The following ZNF423 variants were observed in gnomAD, a reference collection of about 807,000 sequenced individuals.
The protein encoded by ZNF423 is zinc finger protein 423, also known as Ebf-associated zinc finger protein.
Under a neutral mutation model 95.8 loss-of-function variants are expected in ZNF423, and 12 were observed. That is an observed-to-expected ratio of 0.13 (90% CI 0.08 to 0.20). ZNF423 has a LOEUF of 0.20. Among genes scored for constraint, ZNF423 ranks in the 10% least tolerant of loss-of-function variants. ZNF423 has a pLI of 1.00. For missense variants in ZNF423, 1,316 were observed against 1,737.1 expected, an observed-to-expected ratio of 0.76 and a Z score of 4.31; for synonymous variants, 749 against 711.9, an observed-to-expected ratio of 1.05 and a Z score of -0.83.
At chr16:49,791,192 A>G (rs2034407761) in intron 1 of ZNF423, among the ~76,000 whole-genome samples, 2 of 152,242 alleles carry the variant, frequency 1.3e-5, no homozygotes, top group African/African-American at 4.8e-5. Context: ...CAGGATCAAG[A>G]CAATGAAATG....
chr16:49,653,937 T>C (rs1973507577), intron 3 of ZNF423, among the ~76,000 whole-genome samples: 1 of 152,210 alleles, frequency 6.6e-6, no homozygotes, highest in Non-Finnish European at 1.5e-5. Context: ...TTCAGACTGG[T>C]AGCCTCTGCA....
At chr16:49,650,990 G>C (rs149852971) in intron 3 of ZNF423, among the ~76,000 whole-genome samples, 9 of 151,372 alleles carry the variant, frequency 5.9e-5, no homozygotes, top group African/African-American at 1.7e-4. Flanking sequence ...TGTTGTTGTT[G>C]TTCCTTAATT....
intron 3 of ZNF423, among the ~76,000 whole-genome samples, chr16:49,656,990 C>T (rs1221958937): frequency 2.0e-5 from 3 of 152,248 alleles, no homozygotes; most frequent in South Asian, 4.1e-4. Context: ...TCCTAACCAC[C>T]GCGGGATATG....
At position 49,623,315 on chromosome 16, in the gene ZNF423, A is replaced by G. The variant is rs112236219; in HGVS notation, c.3601+2855T>C. Among the ~76,000 whole-genome samples the G allele has an allele frequency of 4.9e-3, 752 of 152,266 alleles. 4 individuals are homozygous for G. The highest frequency in any genetic ancestry group is 0.017 in the African/African-American group (691 of 41,556). On this transcript the variant is annotated intron_variant, in intron 5 of 7. Transcript: ENST00000563137. The stretch of plus-strand genomic sequence containing the variant: ...CAGAAGCCCGGCCCACAGCTCATAC[A>G]CAGGCCCAAATGCCCCTCACACCCT...
chr16:49,637,754 G>A lies in ZNF423; in HGVS notation c.1422C>T (p.Asn474=), dbSNP rs958714253. Residue 474 remains asparagine (N), a synonymous_variant, in exon 4 of 8, where the codon AAC becomes AAT. Transcript: ENST00000563137. This position sits in a 1 kb window ranked among gnomAD's most constrained non-coding sequence, Gnocchi z 5.6. Reference sequence around the variant, plus strand: ...CAAACTGCATCACAGGGTAGGCATGGTTCTTGTGCAGCTTGCGAACGTGCT... The same window carrying A: ...CAAACTGCATCACAGGGTAGGCATGATTCTTGTGCAGCTTGCGAACGTGCT... The part of the protein sequence containing the change: ...LNEHVRKLHK[N]HAYPVMQFGN... 3.7e-6 allele frequency: 6 copies of A among 1,614,120 alleles called. No homozygotes were observed. The highest frequency in any genetic ancestry group is 2.7e-5 in the African/African-American group (2 of 75,060).
At chr16:49,701,407 G>A (rs1175352312) in intron 3 of ZNF423, among the ~76,000 whole-genome samples, 4 of 152,126 alleles carry the variant, frequency 2.6e-5, no homozygotes, top group Admixed American at 1.3e-4. Context: ...CAGTTCGCAC[G>A]GGAGATTGGA....
intron 3 of ZNF423, among the ~76,000 whole-genome samples, chr16:49,671,922 CAATCT>C: frequency 6.6e-6 from 1 of 152,042 alleles, no homozygotes; most frequent in Admixed American, 6.6e-5. Flanking sequence ...TGAGATCAGG[CAATCT>C]GCCTGCCTCA....
At chr16:49,655,224 G>A (rs8055750) in intron 3 of ZNF423, among the ~76,000 whole-genome samples, 30 of 152,102 alleles carry the variant, frequency 2.0e-4, no homozygotes, top group South Asian at 2.1e-4. Context: ...AGAGCCCATC[G>A]TCAAGACCTT....
chr16:49,512,814 G>T (rs776696465), intron 7 of ZNF423, among the ~76,000 whole-genome samples: 121 of 152,284 alleles, frequency 7.9e-4, no homozygotes, highest in Admixed American at 1.7e-3. Context: ...AATAATGGGC[G>T]GCTGGGCACG....
At chr16:49,827,273 C>G (rs899361733) in intron 1 of ZNF423, among the ~76,000 whole-genome samples, 21 of 152,096 alleles carry the variant, frequency 1.4e-4, no homozygotes, top group South Asian at 6.2e-4. Flanking sequence ...CTCAAACACA[C>G]CAGACAGTCT....
chr16:49,643,783 C>T (rs1203613746), intron 3 of ZNF423, among the ~76,000 whole-genome samples: 1 of 152,094 alleles, frequency 6.6e-6, no homozygotes, highest in Non-Finnish European at 1.5e-5. Flanking sequence ...GAGGCTTTTG[C>T]TGTCTGCTGC....
At chr16:49,543,752 G>C (rs1388423730) in intron 5 of ZNF423, among the ~76,000 whole-genome samples, 3 of 152,178 alleles carry the variant, frequency 2.0e-5, no homozygotes, top group Non-Finnish European at 4.4e-5. Flanking sequence ...GACTGCCCAG[G>C]GCTGTAAACC....
At chr16:49,609,219 C>A (rs966137769) in intron 5 of ZNF423, among the ~76,000 whole-genome samples, 6 of 152,162 alleles carry the variant, frequency 3.9e-5, no homozygotes, top group African/African-American at 1.2e-4. Flanking sequence ...ATCTGCACCC[C>A]TTCTGCACTG....
intron 1 of ZNF423, among the ~76,000 whole-genome samples, chr16:49,851,667 C>T (rs920595490): frequency 4.6e-5 from 7 of 152,198 alleles, no homozygotes; most frequent in African/African-American, 1.7e-4. Flanking sequence ...TGTAAAGTCA[C>T]CCGCATTTTG....
rs201361462 is a variant in ZNF423, at chr16:49,590,029, AAT to A, written c.3601+36139_3601+36140del. Reference sequence around the variant, plus strand: ...GGGATGGGGTAAAGGGGAAGTGGCGAATATATATATATATATATATATTTGGT... The same window carrying A: ...GGGATGGGGTAAAGGGGAAGTGGCGAATATATATATATATATATATTTGGT... On this transcript the variant is annotated intron_variant, in intron 5 of 7. Transcript: ENST00000563137. 3.4e-3 allele frequency among the ~76,000 whole-genome samples: 334 copies of A among 97,126 alleles called. 11 individuals are homozygous for A. Among genetic ancestry groups the A allele is most frequent in the East Asian group, 8.6e-3 (17 of 1,984 alleles). The allele number at this position is 97,126 out of a possible 152,430, so 63.7% of individuals were successfully genotyped here.
At chr16:49,618,429 G>A (rs536067017) in intron 5 of ZNF423, among the ~76,000 whole-genome samples, 2 of 152,172 alleles carry the variant, frequency 1.3e-5, no homozygotes, top group Non-Finnish European at 2.9e-5. Flanking sequence ...TGTCGAGAGA[G>A]GAAGGTGATT....
chr16:49,692,551 A>G (rs1345102011), intron 3 of ZNF423, among the ~76,000 whole-genome samples: 1 of 152,206 alleles, frequency 6.6e-6, no homozygotes, highest in Non-Finnish European at 1.5e-5. Context: ...TTCACCACGC[A>G]GGGTGGAGAC....
chr16:49,719,034 T>C (rs1334529822), intron 3 of ZNF423, among the ~76,000 whole-genome samples: 1 of 152,222 alleles, frequency 6.6e-6, no homozygotes, highest in African/African-American at 2.4e-5. Flanking sequence ...CAGGCATTTC[T>C]CAAAGCTTTT....
chr16:49,678,065 C>T (rs564901389), intron 3 of ZNF423, among the ~76,000 whole-genome samples: 25 of 152,098 alleles, frequency 1.6e-4, no homozygotes, highest in African/African-American at 6.0e-4. Flanking sequence ...CGCCTGTAAT[C>T]CCAGCTACTC....
Sources: allele counts gnomAD v4.1 joint callset (sites outside exome capture counted in the v4.1 genomes callset), GRCh38; gene constraint gnomAD v4.1.1; non-coding constraint Gnocchi (gnomAD v3.1); transcripts MANE v1.5; gene names NCBI Gene and HGNC (gene_info 2026-07-23, HGNC 2026-07-21).